The following SLC12A2 variants were observed in gnomAD, a reference collection of about 807,000 sequenced individuals.
SLC12A2 encodes the protein solute carrier family 12 member 2, also known as Na-K-2Cl cotransporter 1.
In SLC12A2, 67 loss-of-function variants were observed where a neutral mutation model predicts 136.3. The ratio of observed to expected loss-of-function variants is 0.49; its 90% CI spans 0.40 to 0.60. SLC12A2 has a LOEUF of 0.60. Ranked by LOEUF, SLC12A2 falls within the 20% of genes least tolerant of loss-of-function variation. The pLI is 0.00. For missense variants in SLC12A2, 1,322 were observed against 1,534.7 expected, an observed-to-expected ratio of 0.86 and a Z score of 2.32; for synonymous variants, 619 against 562.9, an observed-to-expected ratio of 1.10 and a Z score of -1.41.
chr5:128,084,872 GTTAAC>G lies in SLC12A2; in HGVS notation c.756+167_756+171del, dbSNP rs1391802164. 6.6e-6 allele frequency among the ~76,000 whole-genome samples: 1 copy of G among 151,670 alleles called. No homozygotes were observed. Among genetic ancestry groups the G allele is most frequent in the Non-Finnish European group, 1.5e-5 (1 of 67,950 alleles). ...GTCAAGGGTGGAATTGCCGAGGAATGTTAACTTAATCTCTCAAAAGTTTGTAGCGG... is the reference window on the plus strand; with the variant it reads ...GTCAAGGGTGGAATTGCCGAGGAATGTTAATCTCTCAAAAGTTTGTAGCGG... On this transcript the variant is annotated intron_variant, in intron 1 of 26. Coordinates refer to ENST00000262461, the MANE Select transcript of SLC12A2 (RefSeq NM_001046.3). This position sits in a 1 kb window ranked among gnomAD's most constrained non-coding sequence, Gnocchi z 5.6.
rs1275547317 is a variant in SLC12A2, at chr5:128,138,679, T to A, written c.1491T>A (p.Ala497=). Residue 497 remains alanine, a synonymous_variant, in exon 8 of 27, where the codon GCT becomes GCA. Transcript: ENST00000262461. The part of the protein sequence containing the change: ...FFSVFAIFFP[A]ATGILAGANI... ...CTGTATTTGCCATCTTTTTTCCTGC[T>A]GCAACTGGTATTCTGGCTGGAGCAA... The A allele has an allele frequency of 6.2e-7, 1 of 1,613,816 alleles. No individual in the cohort carries two copies. Among genetic ancestry groups the A allele is most frequent in the East Asian group, 2.2e-5 (1 of 44,856 alleles).
chr5:128,182,275 C>G (rs1299517209), intron 23 of SLC12A2, among the ~76,000 whole-genome samples: 4 of 152,054 alleles, frequency 2.6e-5, no homozygotes, highest in Non-Finnish European at 2.9e-5. Flanking sequence ...TTCACCTGTT[C>G]TGTTGTTGCC....
chr5:128,169,063 A>T (rs1763290523), intron 18 of SLC12A2: 1 of 152,112 alleles, frequency 6.6e-6, no homozygotes, highest in East Asian at 1.9e-4. Context: ...AATCTTGAAA[A>T]GTACTTCTTT....
At chr5:128,142,225 C>G (rs575418869) in intron 10 of SLC12A2, among the ~76,000 whole-genome samples, 3 of 152,316 alleles carry the variant, frequency 2.0e-5, no homozygotes, top group South Asian at 2.1e-4. Context: ...GCCCCAATCT[C>G]CCGCGTAGCT....
At chr5:128,102,760 G>A (rs1372505302) in intron 1 of SLC12A2, among the ~76,000 whole-genome samples, 1 of 150,280 alleles carries the variant, frequency 6.7e-6, no homozygotes, top group Non-Finnish European at 1.5e-5. Context: ...CTACAGGCAC[G>A]TGCCACCATG....
intron 20 of SLC12A2, among the ~76,000 whole-genome samples, chr5:128,176,044 A>G (rs1019678995): frequency 5.3e-5 from 8 of 151,680 alleles, no homozygotes; most frequent in Non-Finnish European, 1.2e-4. Context: ...AAACGTTTAT[A>G]CATTTTAAAA....
chr5:128,099,726 AAAGG>A (rs958054201), intron 1 of SLC12A2, among the ~76,000 whole-genome samples: 2 of 152,086 alleles, frequency 1.3e-5, no homozygotes, highest in African/African-American at 4.8e-5. Context: ...TTTTTGTTAA[AAAGG>A]AAGACACAAG....
At chr5:128,160,618 A>T (rs1022301445) in intron 16 of SLC12A2, among the ~76,000 whole-genome samples, 2 of 152,158 alleles carry the variant, frequency 1.3e-5, no homozygotes, top group Non-Finnish European at 2.9e-5. Flanking sequence ...AACCTTTTTT[A>T]ATCCGAAAGT....
chr5:128,108,021 T>C (rs144198055), intron 1 of SLC12A2, among the ~76,000 whole-genome samples: 2,088 of 152,268 alleles, frequency 0.014, 51 homozygotes, highest in African/African-American at 0.048. Flanking sequence ...TTTGCATTTC[T>C]CTAATGACCA....
Position 128,138,811 on chromosome 5 carries a change from T to TC in SLC12A2, c.1537-12dup. 2 of 1,608,020 alleles carry TC rather than the reference T, an allele frequency of 1.2e-6. No individual in the cohort carries two copies. The highest frequency in any genetic ancestry group is 1.7e-6 in the Non-Finnish European group (2 of 1,177,020). The stretch of plus-strand genomic sequence containing the variant: ...TTTACAGATAGACTTTAAAAAATCT[T>TC]CTTGTCTTCTAGGATCCTCAGTCAG... On this transcript the variant is annotated splice_polypyrimidine_tract_variant and intron_variant, in intron 8 of 26. Transcript: ENST00000262461.
At chr5:128,176,967 T>G (rs1311421608) in intron 20 of SLC12A2, 138 bp from the exon 21 acceptor site, 1 of 498,264 alleles carries the variant, frequency 2.0e-6, no homozygotes, top group African/African-American at 2.0e-5. Context: ...AAAATATTAA[T>G]CTTCAGTCTT....
At chr5:128,123,594 T>G (rs185708190) in intron 4 of SLC12A2, among the ~76,000 whole-genome samples, 23 of 152,318 alleles carry the variant, frequency 1.5e-4, no homozygotes, top group African/African-American at 5.5e-4. Context: ...GTTGGGTATC[T>G]TCTCATGTAC....
intron 1 of SLC12A2, among the ~76,000 whole-genome samples, chr5:128,108,295 C>A (rs1761021456): frequency 6.6e-6 from 1 of 152,106 alleles, no homozygotes; most frequent in African/African-American, 2.4e-5. Flanking sequence ...CCAGCAATTC[C>A]ACTCATAGGT....
chr5:128,148,549 T>A (rs1247143837), intron 11 of SLC12A2, among the ~76,000 whole-genome samples: 2 of 151,936 alleles, frequency 1.3e-5, no homozygotes, highest in East Asian at 3.9e-4. Context: ...GTAAGGCAGA[T>A]AGAAGTTTTG....
chr5:128,101,960 A>C (rs1379316162), intron 1 of SLC12A2, among the ~76,000 whole-genome samples: 1 of 152,184 alleles, frequency 6.6e-6, no homozygotes, highest in African/African-American at 2.4e-5. Flanking sequence ...TTTTAGAGGT[A>C]ATCTTAAACT....
Position 128,133,781 on chromosome 5 carries a change from A to T in SLC12A2, c.1189-384A>T, listed in dbSNP as rs545683558. 2.6e-5 allele frequency among the ~76,000 whole-genome samples: 4 copies of T among 152,226 alleles called. No homozygotes were observed. The South Asian group carries it at 8.3e-4, about 31-fold the overall frequency. On this transcript the variant is annotated intron_variant, in intron 5 of 26. Coordinates refer to ENST00000262461, the MANE Select transcript of SLC12A2 (RefSeq NM_001046.3). Reference sequence around the variant, plus strand: ...TGCTTATCACTTACTCTCTCACAGTATAAAAGACCTTTAAAAGCATGAGTT... The same window carrying T: ...TGCTTATCACTTACTCTCTCACAGTTTAAAAGACCTTTAAAAGCATGAGTT...
intron 10 of SLC12A2, among the ~76,000 whole-genome samples, chr5:128,144,382 TAAATG>T (rs2126715485): frequency 6.6e-6 from 1 of 152,232 alleles, no homozygotes; most frequent in African/African-American, 2.4e-5. Flanking sequence ...GGATAGGACA[TAAATG>T]AGGAGTATGT....
intron 1 of SLC12A2, among the ~76,000 whole-genome samples, chr5:128,105,723 TC>T (rs922904085): frequency 6.6e-6 from 1 of 152,206 alleles, no homozygotes; most frequent in African/African-American, 2.4e-5. Context: ...ATTATCCTTT[TC>T]TCTACATCCT....
rs1324566151 is a variant in SLC12A2 at position 128,177,684 on chromosome 5, TC to T, written c.2977+533del. The T allele has an allele frequency of 2.0e-5, 3 of 152,610 alleles. No homozygotes were observed. In the East Asian group the frequency reaches 5.7e-4, roughly 29 times the overall value. The allele number at this position is 152,610 out of a possible 1,614,324, so 9.5% of individuals were successfully genotyped here. A position where few individuals can be genotyped will look rare whatever the true frequency, so the allele number is the denominator to read the frequency against. On this transcript the variant is annotated intron_variant, in intron 21 of 26. Coordinates refer to ENST00000262461, the MANE Select transcript of SLC12A2 (RefSeq NM_001046.3). ...GTGGTTTGGTAGCCATATTATTTCA[TC>T]GTGCAAAATCATTTGTCATGTTTGC... is the stretch of plus-strand genomic sequence containing the variant.
Sources: gnomAD v4.1 joint callset for allele counts (sites outside exome capture counted in the v4.1 genomes callset) on GRCh38, gnomAD v4.1.1 for gene constraint, Gnocchi (gnomAD v3.1) non-coding constraint, MANE v1.5 for transcripts, NCBI Gene and HGNC (gene_info 2026-07-23, HGNC 2026-07-21) for gene names.